Variants in MAGED1 observed in about 807,000 individuals in gnomAD.
The protein encoded by MAGED1 is MAGE family member D1, also known as melanoma-associated antigen D1.
In MAGED1, 3 loss-of-function variants were observed where a neutral mutation model predicts 54.1. The observed-to-expected ratio is 0.06, with a 90% CI of 0.03 to 0.14. The LOEUF (loss-of-function observed/expected upper bound fraction) is 0.14, where lower values mean the gene tolerates loss of function less well. Among genes scored for constraint, MAGED1 ranks in the 10% least tolerant of loss-of-function variants. The pLI is 1.00. For synonymous variants in MAGED1, 217 were observed against 227.3 expected (o/e 0.95, Z 0.41); for missense variants, 485 against 623.4 (o/e 0.78, Z 2.36).
chrX:51,855,368 T>G (rs1927046755), intron 1 of MAGED1, among the ~76,000 whole-genome samples: 2 of 112,025 alleles, frequency 1.8e-5, no homozygotes, highest in African/African-American at 6.5e-5. Flanking sequence ...GTAATTGATA[T>G]ATTTCTTTTC....
intron 1 of MAGED1, among the ~76,000 whole-genome samples, chrX:51,846,679 T>C (rs1377764134): frequency 9.0e-6 from 1 of 111,350 alleles, no homozygotes; most frequent in African/African-American, 3.3e-5. Context: ...TTAACAATCA[T>C]GGCAGAAGGC....
At chrX:51,841,529 G>A (rs1460417962) in intron 1 of MAGED1, among the ~76,000 whole-genome samples, 3 of 111,348 alleles carry the variant, frequency 2.7e-5, no homozygotes, top group African/African-American at 9.8e-5. Context: ...GTCCTGAATG[G>A]TATTGCCTAA....
intron 1 of MAGED1, among the ~76,000 whole-genome samples, chrX:51,807,008 C>T (rs941006074): frequency 3.6e-5 from 4 of 110,756 alleles, no homozygotes; most frequent in African/African-American, 1.3e-4. Flanking sequence ...AGGCTGGTCT[C>T]GAACTCCTGA....
chrX:51,845,304 G>GTAT (rs1926644978), intron 1 of MAGED1, among the ~76,000 whole-genome samples: 1 of 111,685 alleles, frequency 9.0e-6, no homozygotes, highest in Non-Finnish European at 1.9e-5. Context: ...GTAAATACAT[G>GTAT]CTACCTTTTA....
upstream of MAGED1, among the ~76,000 whole-genome samples, chrX:51,890,985 C>T (rs1928418378): frequency 1.8e-5 from 2 of 111,684 alleles, no homozygotes. Flanking sequence ...TTGCCACGCT[C>T]CCCACAAAAA....
chrX:51,839,580 A>C (rs1926379148), intron 1 of MAGED1, among the ~76,000 whole-genome samples: 1 of 112,059 alleles, frequency 8.9e-6, no homozygotes, highest in Non-Finnish European at 1.9e-5. Context: ...CCAGAAAAAA[A>C]TATGTTCTTT....
rs1298937331 is a variant in MAGED1, at chrX:51,803,900, G to A, written c.-37+783G>A. Among the ~76,000 whole-genome samples, 5 of 110,343 alleles carry A rather than the reference G, an allele frequency of 4.5e-5. No individual in the cohort carries two copies. The East Asian group carries it at 1.1e-3, about 25-fold the overall frequency. On this transcript the variant is annotated intron_variant, in intron 1 of 12. Transcript: ENST00000375772. Reference sequence around the variant, plus strand: ...CCTGTAACCTGGTTTCAGCTTCAGCGTAAGCTTTCCCATCCCCTGTAAAAC... The same window carrying A: ...CCTGTAACCTGGTTTCAGCTTCAGCATAAGCTTTCCCATCCCCTGTAAAAC...
chrX:51,868,370 G>T (rs1286684664), intron 1 of MAGED1, among the ~76,000 whole-genome samples: 1 of 111,205 alleles, frequency 9.0e-6, no homozygotes, highest in African/African-American at 3.3e-5. Context: ...AGATATCAGG[G>T]AATGAGCACC....
intron 1 of MAGED1, among the ~76,000 whole-genome samples, chrX:51,833,540 T>A (rs1242286201): frequency 8.9e-6 from 1 of 111,866 alleles, no homozygotes; most frequent in East Asian, 2.8e-4. Context: ...GTTTGAAGAT[T>A]CTTAATCTAT....
intron 1 of MAGED1, among the ~76,000 whole-genome samples, chrX:51,849,109 A>G (rs1557359526): frequency 9.0e-6 from 1 of 110,611 alleles, no homozygotes. Flanking sequence ...AGAAGAATGT[A>G]GGGATGTAAG....
chrX:51,902,125 T>C (rs1413417165), intron 12 of MAGED1, 21 bp from the exon 13 acceptor site: 5 of 377,774 alleles, frequency 1.3e-5, no homozygotes, highest in Non-Finnish European at 2.2e-5. Flanking sequence ...TTTTTTTACT[T>C]CTTCTTTCTT....
chrX:51,901,460 C>T, intron 11 of MAGED1, 93 bp from the exon 12 acceptor site: 1 of 827,018 alleles, frequency 1.2e-6, no homozygotes, highest in Non-Finnish European at 1.7e-6. Flanking sequence ...TCACATTGTC[C>T]TTATCCATTC....
intron 1 of MAGED1, among the ~76,000 whole-genome samples, chrX:51,884,101 T>G (rs1044856055): frequency 9.0e-6 from 1 of 110,997 alleles, no homozygotes; most frequent in Admixed American, 9.6e-5. Flanking sequence ...TGTTGAGAGA[T>G]ACAATGGCTG....
chrX:51,822,764 A>C (rs897452096), intron 1 of MAGED1, among the ~76,000 whole-genome samples: 1 of 111,128 alleles, frequency 9.0e-6, no homozygotes, highest in Non-Finnish European at 1.9e-5. Flanking sequence ...GTTTATATTC[A>C]TAAGGGATAT....
At chrX:51,816,334 C>G (rs1046929578) in intron 1 of MAGED1, among the ~76,000 whole-genome samples, 1 of 111,093 alleles carries the variant, frequency 9.0e-6, no homozygotes, top group Non-Finnish European at 1.9e-5. Context: ...AGGCTGGTCT[C>G]GAACTCTTGG....
intron 10 of MAGED1, 38 bp downstream of exon 10, chrX:51,898,681 A>T: frequency 8.8e-7 from 1 of 1,140,004 alleles, no homozygotes; most frequent in Middle Eastern, 2.5e-4. Context: ...GCTTCTTATG[A>T]TTCTGCCTGT....
chrX:51,818,326 G>A (rs1177167913), intron 1 of MAGED1, among the ~76,000 whole-genome samples: 1 of 111,648 alleles, frequency 9.0e-6, no homozygotes, highest in African/African-American at 3.3e-5. Context: ...GGTCATGGAA[G>A]CCATGGCACT....
intron 1 of MAGED1, among the ~76,000 whole-genome samples, chrX:51,885,023 G>C (rs184740230): frequency 2.7e-5 from 3 of 112,313 alleles, no homozygotes; most frequent in Admixed American, 1.9e-4. Flanking sequence ...TTAATGGTGA[G>C]AGACTGAATT....
At chrX:51,852,811 G>A (rs1926945553) in intron 1 of MAGED1, among the ~76,000 whole-genome samples, 1 of 112,036 alleles carries the variant, frequency 8.9e-6, no homozygotes, top group South Asian at 3.7e-4. Context: ...CATTTGTAAA[G>A]CTAGGCTCTG....
Sources: allele counts gnomAD v4.1 joint callset (sites outside exome capture counted in the v4.1 genomes callset), GRCh38; gene constraint gnomAD v4.1.1; transcripts MANE v1.5; gene names NCBI Gene and HGNC (gene_info 2026-07-23, HGNC 2026-07-21).